PACC1: variants seen among roughly 807,000 people sequenced by gnomAD.
PACC1 encodes the protein proton-activated chloride channel.
A neutral mutation model predicts 39.7 loss-of-function variants in PACC1; 34 were observed. The ratio of observed to expected loss-of-function variants is 0.86; its 90% CI spans 0.65 to 1.14. The LOEUF is 1.14. Among genes scored for constraint, PACC1 ranks in the 50% most tolerant of loss-of-function variants. The pLI is 0.00. For missense variants in PACC1, 379 were observed against 436.4 expected (o/e 0.87, Z 1.17); for synonymous variants, 127 against 160.6 (o/e 0.79, Z 1.58).
intron 1 of PACC1, chr1:212,413,921 A>G (rs1662227323): frequency 3.3e-6 from 5 of 1,534,978 alleles, no homozygotes; most frequent in African/African-American, 1.4e-5. Context: ...ACTTTGGCCA[A>G]TGAGGCGGCA....
intron 2 of PACC1, among the ~76,000 whole-genome samples, chr1:212,393,868 C>T (rs1310257250): frequency 1.6e-4 from 24 of 151,934 alleles, no homozygotes; most frequent in Non-Finnish European, 2.4e-4. Flanking sequence ...ACACATACAC[C>T]CTCCCAAGAC....
At chr1:212,391,342 C>G (rs1421671102) in intron 2 of PACC1, among the ~76,000 whole-genome samples, 2 of 152,182 alleles carry the variant, frequency 1.3e-5, no homozygotes, top group Non-Finnish European at 2.9e-5. Flanking sequence ...GTCTGGAGTG[C>G]ACCTCCAGCA....
At chr1:212,413,854 G>A (rs912639100) in intron 1 of PACC1, 14 of 1,508,296 alleles carry the variant, frequency 9.3e-6, no homozygotes, top group Non-Finnish European at 1.2e-5. Flanking sequence ...ATCGCACTCA[G>A]AGGTTACAGC....
At chr1:212,371,209 C>CTCCAGCCT (rs1275165388) in intron 7 of PACC1, among the ~76,000 whole-genome samples, 2 of 143,352 alleles carry the variant, frequency 1.4e-5, no homozygotes, top group Admixed American at 7.3e-5. Context: ...CGCAACTGCA[C>CTCCAGCCT]TCCAGCCTTG....
chr1:212,409,628 G>A (rs1662050100), intron 2 of PACC1, among the ~76,000 whole-genome samples: 1 of 152,150 alleles, frequency 6.6e-6, no homozygotes. Flanking sequence ...GGACTGAGAT[G>A]ATCATGAGGT....
chr1:212,379,827 TG>T, intron 5 of PACC1, 67 bp downstream of exon 5: 2 of 1,592,440 alleles, frequency 1.3e-6, no homozygotes, highest in Non-Finnish European at 1.7e-6. Context: ...TCTCTAGCCT[TG>T]GGACATACAC....
At chr1:212,371,248 AAAAAAAAAAAAGAAAG>A (rs1452882260) in intron 7 of PACC1, among the ~76,000 whole-genome samples, 1 of 148,894 alleles carries the variant, frequency 6.7e-6, no homozygotes, top group African/African-American at 2.6e-5. Flanking sequence ...TTTCAAAAAA[AAAAAAAAAAAAGAAAG>A]AAAAGTTAGT....
rs988138752 is a variant in PACC1 at position 212,386,010 on chromosome 1, C to A, written c.344-585G>T. The stretch of plus-strand genomic sequence containing the variant: ...AAGACACCAGACAGAGAAAGTAAAA[C>A]GTACAGATAAAGAAGACTCAAGCAG... On this transcript the variant is annotated intron_variant, in intron 3 of 7. Coordinates refer to ENST00000261455, the MANE Select transcript of PACC1 (RefSeq NM_018252.3). This position sits in a 1 kb window ranked among gnomAD's most constrained non-coding sequence, Gnocchi z 5.0. 1.3e-5 allele frequency among the ~76,000 whole-genome samples: 2 copies of A among 152,082 alleles called. No individual in the cohort carries two copies. Among genetic ancestry groups the A allele is most frequent in the African/African-American group, 4.8e-5 (2 of 41,380 alleles).
At chr1:212,370,972 G>A (rs1660429036) in intron 7 of PACC1, among the ~76,000 whole-genome samples, 1 of 152,100 alleles carries the variant, frequency 6.6e-6, no homozygotes, top group Non-Finnish European at 1.5e-5. Flanking sequence ...TTGAGGCCGG[G>A]CGCAGTGGCT....
intron 1 of PACC1, among the ~76,000 whole-genome samples, chr1:212,413,232 C>G (rs1304425048): frequency 6.6e-6 from 1 of 152,064 alleles, no homozygotes; most frequent in Non-Finnish European, 1.5e-5. Flanking sequence ...GAAATCTGTC[C>G]AAGGCCAGAT....
At chr1:212,382,608 A>C (rs1473903511) in intron 4 of PACC1, among the ~76,000 whole-genome samples, 1 of 152,192 alleles carries the variant, frequency 6.6e-6, no homozygotes, top group Non-Finnish European at 1.5e-5. Flanking sequence ...CTTTCACATG[A>C]ACTTGATTAG....
intron 6 of PACC1, 98 bp downstream of exon 6, chr1:212,377,464 C>G: frequency 6.5e-7 from 1 of 1,529,442 alleles, no homozygotes; most frequent in South Asian, 1.2e-5. Context: ...ACCCTTAAGG[C>G]CCTGCTCAAA....
At position 212,377,785 on chromosome 1, in the gene PACC1, G is replaced by C. The variant is rs905693509; in HGVS notation, c.639-79C>G. The C allele has an allele frequency of 8.4e-6, 13 of 1,539,860 alleles. No homozygotes were observed. In the East Asian group the frequency reaches 2.7e-4, roughly 32 times the overall value. Reference sequence around the variant, plus strand: ...GAGTCGAAGCCCCCACTGCAAGCTGGTTTCTTTGCTGGCACAACCAGGATG... The same window carrying C: ...GAGTCGAAGCCCCCACTGCAAGCTGCTTTCTTTGCTGGCACAACCAGGATG... On this transcript the variant is annotated intron_variant, in intron 5 of 7. Coordinates refer to ENST00000261455, the MANE Select transcript of PACC1 (RefSeq NM_018252.3).
At chr1:212,412,791 A>G (rs1662184904) in intron 1 of PACC1, among the ~76,000 whole-genome samples, 1 of 152,242 alleles carries the variant, frequency 6.6e-6, no homozygotes, top group South Asian at 2.1e-4. Context: ...AGCATCCTGG[A>G]CGCAGGAGCT....
chr1:212,370,821 C>G (rs2102468378), intron 7 of PACC1, among the ~76,000 whole-genome samples: 1 of 152,062 alleles, frequency 6.6e-6, no homozygotes, highest in East Asian at 1.9e-4. Flanking sequence ...ATAATAAATG[C>G]CTACATCAAA....
In PACC1 at chr1:212,375,239, A is replaced by G. The variant is rs1164540133; in HGVS notation, c.845T>C (p.Phe282Ser). The G allele has an allele frequency of 6.2e-7, 1 of 1,614,052 alleles. No individual in the cohort carries two copies. The highest frequency in any genetic ancestry group is 8.5e-7 in the Non-Finnish European group (1 of 1,179,902). The change falls in exon 7 of 8, where the codon TTT (phenylalanine) becomes TCT (serine). Residue 282 changes from phenylalanine to serine, a missense_variant. By Grantham distance (155) the Phe-to-Ser change is radical. Coordinates refer to ENST00000261455, the MANE Select transcript of PACC1 (RefSeq NM_018252.3). ...PAAKKSAQLF[F>S]VVFEWKDPFI... ...AGGATCTTTCCATTCAAAGACCACA[A>G]AAAACAATTGAGCACTTTTTTTGGC...
intron 1 of PACC1, chr1:212,414,122 A>T: frequency 6.7e-7 from 1 of 1,489,460 alleles, no homozygotes; most frequent in Non-Finnish European, 8.9e-7. Context: ...CTGGAAAGTG[A>T]TAAAGTCGTG....
In PACC1 at chr1:212,386,900, CA is replaced by C; in HGVS notation, c.333del (p.Tyr111Ter). 1 of 1,614,162 alleles carries C rather than the reference CA, an allele frequency of 6.2e-7. No homozygotes were observed. The highest frequency in any genetic ancestry group is 8.5e-7 in the Non-Finnish European group (1 of 1,180,014). On this transcript the variant is annotated frameshift_variant, in exon 3 of 8. Coordinates refer to ENST00000261455, the MANE Select transcript of PACC1 (RefSeq NM_018252.3). LOFTEE classifies it high-confidence loss of function. This position sits in a 1 kb window ranked among gnomAD's most constrained non-coding sequence, Gnocchi z 5.0. ...MSVSYKEVDR[Y>X]DAPGIALYPG... ...CAGGGGCAGGCTCTACCTGGGGCATCATAGCGATCCACTTCCTTGTAAGACA... is the reference window on the plus strand; with the variant it reads ...CAGGGGCAGGCTCTACCTGGGGCATCTAGCGATCCACTTCCTTGTAAGACA...
intron 7 of PACC1, among the ~76,000 whole-genome samples, chr1:212,368,940 G>A (rs918421364): frequency 2.6e-5 from 4 of 151,572 alleles, no homozygotes; most frequent in Non-Finnish European, 5.9e-5. Flanking sequence ...GCTGAGGTAG[G>A]AGAATGGTGT....
Sources: gnomAD v4.1 joint callset for allele counts (sites outside exome capture counted in the v4.1 genomes callset) on GRCh38, gnomAD v4.1.1 for gene constraint, Gnocchi (gnomAD v3.1) non-coding constraint, MANE v1.5 for transcripts, NCBI Gene and HGNC (gene_info 2026-07-23, HGNC 2026-07-21) for gene names.